PDE4A: variants seen among roughly 807,000 people sequenced by gnomAD.
PDE4A encodes 3',5'-cyclic-AMP phosphodiesterase 4A.
A neutral mutation model predicts 73.9 loss-of-function variants in PDE4A; 21 were observed. The observed-to-expected ratio is 0.28, with a 90% CI of 0.20 to 0.41. PDE4A has a LOEUF of 0.41. Ranked by LOEUF, PDE4A falls within the 10% of genes least tolerant of loss-of-function variation. PDE4A has a pLI of 1.00. For missense variants in PDE4A, 958 were observed against 1,211.4 expected, an observed-to-expected ratio of 0.79 and a Z score of 3.10; for synonymous variants, 463 against 505.4, an observed-to-expected ratio of 0.92 and a Z score of 1.13.
At chr19:10,457,435 G>T (rs1403590996) in intron 7 of PDE4A, among the ~76,000 whole-genome samples, 4 of 79,036 alleles carry the variant, frequency 5.1e-5, no homozygotes, top group Non-Finnish European at 1.1e-4. Flanking sequence ...GGTGGGCGGG[G>T]GGGGGGGGGG....
chr19:10,465,172 G>A (rs1446799372), intron 14 of PDE4A, among the ~76,000 whole-genome samples: 2 of 151,672 alleles, frequency 1.3e-5, no homozygotes, highest in Non-Finnish European at 2.9e-5. Context: ...ATTCTTAGCA[G>A]AATCCCTGGT....
At chr19:10,447,515 G>A (rs746535942) in intron 2 of PDE4A, among the ~76,000 whole-genome samples, 15 of 151,536 alleles carry the variant, frequency 9.9e-5, no homozygotes, top group Non-Finnish European at 1.6e-4. Context: ...GTGAGCCACC[G>A]CGCCCGGCCC....
intron 1 of PDE4A, among the ~76,000 whole-genome samples, chr19:10,444,363 T>C (rs1036642309): frequency 9.9e-5 from 15 of 151,772 alleles, no homozygotes; most frequent in Non-Finnish European, 1.6e-4. Context: ...CCAGGCGTGG[T>C]GGTGCATGCC....
chr19:10,434,471 G>A (rs1471126267), intron 1 of PDE4A, among the ~76,000 whole-genome samples: 1 of 152,006 alleles, frequency 6.6e-6, no homozygotes, highest in Non-Finnish European at 1.5e-5. Flanking sequence ...GCCTCCCAAA[G>A]TGCTGGGATT....
rs1190382397 is a variant in PDE4A, at chr19:10,420,939, C to T, written c.175C>T (p.Arg59Trp). The T allele has an allele frequency of 3.2e-6, 5 of 1,568,280 alleles. No homozygotes were observed. The highest frequency in any genetic ancestry group is 4.3e-6 in the Non-Finnish European group (5 of 1,166,320). The change falls in exon 1 of 15, where the codon CGG (arginine) becomes TGG (tryptophan). Residue 59 changes from arginine to tryptophan, a missense_variant. Physicochemically the swap from Arg to Trp is moderately radical, Grantham distance 101. Coordinates refer to ENST00000380702, the MANE Select transcript of PDE4A (RefSeq NM_001111307.2). The surrounding 1 kb of genome is among the most constrained non-coding windows in gnomAD (Gnocchi z 6.0). Reference sequence around the variant, plus strand: ...CAGCGCGGAGCGCGCCGAGCGGGAGCGGCAGCCGCACCGGCCCATAGAGCG... The same window carrying T: ...CAGCGCGGAGCGCGCCGAGCGGGAGTGGCAGCCGCACCGGCCCATAGAGCG... ...SDSAERAERE[R>W]QPHRPIERAD...
chr19:10,454,502 A>T (rs2043142052), intron 6 of PDE4A, among the ~76,000 whole-genome samples: 1 of 152,064 alleles, frequency 6.6e-6, no homozygotes, highest in Non-Finnish European at 1.5e-5. Flanking sequence ...CTGCTTCCCT[A>T]TTGGCTCCCT....
intron 10 of PDE4A, among the ~76,000 whole-genome samples, chr19:10,460,664 G>C (rs923541351): frequency 1.3e-5 from 2 of 151,928 alleles, no homozygotes; most frequent in African/African-American, 4.8e-5. Context: ...CGGGCGTGGT[G>C]GTGGGAGCCT....
intron 1 of PDE4A, chr19:10,432,289 C>T (rs1382608097): frequency 1.7e-6 from 2 of 1,148,094 alleles, no homozygotes; most frequent in African/African-American, 3.3e-5. Context: ...GCTCGACCGC[C>T]CGGGGCTGTC....
At chr19:10,454,679 AC>A (rs2043144801) in intron 6 of PDE4A, 149 bp from the exon 7 acceptor site, 5 of 1,380,506 alleles carry the variant, frequency 3.6e-6, no homozygotes, top group Non-Finnish European at 4.9e-6. Flanking sequence ...GCTGACCCCA[AC>A]CCCCCAGCAG....
rs1046766832 is a variant in PDE4A, at chr19:10,468,336, T to G, written c.*715T>G. Reference sequence around the variant, plus strand: ...TTCACTTTAGGATACGGGGGTGGTATGGAAGGGAGCGTTCACACCGCCAGC... The same window carrying G: ...TTCACTTTAGGATACGGGGGTGGTAGGGAAGGGAGCGTTCACACCGCCAGC... On this transcript the variant is annotated 3_prime_UTR_variant, in exon 15 of 15. Transcript: ENST00000380702. 1 of 152,482 alleles carries G rather than the reference T, an allele frequency of 6.6e-6. No homozygotes were observed. Among genetic ancestry groups the G allele is most frequent in the African/African-American group, 2.4e-5 (1 of 41,352 alleles). The allele number at this position is 152,482 out of a possible 1,614,324, so 9.4% of individuals were successfully genotyped here.
intron 1 of PDE4A, among the ~76,000 whole-genome samples, chr19:10,428,533 C>T (rs2042747385): frequency 6.6e-6 from 1 of 152,134 alleles, no homozygotes; most frequent in African/African-American, 2.4e-5. Context: ...TAGTGATTTG[C>T]ATATTATAAG....
intron 1 of PDE4A, chr19:10,430,772 C>A (rs1338742829): frequency 6.3e-6 from 3 of 477,796 alleles, no homozygotes; most frequent in South Asian, 8.4e-5. Flanking sequence ...GCTGGGCAGG[C>A]GGCCTGCGTG....
rs1197864127 is a variant in PDE4A at position 10,450,992 on chromosome 19, C to A, written c.783+51C>A. 7 of 1,526,788 alleles carry A rather than the reference C, an allele frequency of 4.6e-6. No individual in the cohort carries two copies. The Admixed American group carries it at 1.4e-4, about 30-fold the overall frequency. 94.6% of individuals were successfully genotyped at this position (1,526,788 alleles called of 1,614,324 possible). ...TGGGCGGGGCAGGCGGGGGCGGGGC[C>A]AGTGGGTAGAGCCAACCGCTGGATG... On this transcript the variant is annotated intron_variant, in intron 6 of 14. Transcript: ENST00000380702.
upstream of PDE4A, chr19:10,416,899 C>T (rs565829533): frequency 6.5e-7 from 1 of 1,535,594 alleles, no homozygotes. Flanking sequence ...CCTGGCCCTG[C>T]CGACATGGCC....
At chr19:10,441,444 A>T (rs1266272266) in intron 1 of PDE4A, among the ~76,000 whole-genome samples, 1 of 148,526 alleles carries the variant, frequency 6.7e-6, no homozygotes, top group African/African-American at 2.5e-5. Flanking sequence ...TTTTTAAGAG[A>T]TGGGGTCTCA....
upstream of PDE4A, chr19:10,419,561 GGGCC>G (rs1225706763): frequency 6.6e-6 from 1 of 152,328 alleles, no homozygotes; most frequent in East Asian, 1.9e-4. Flanking sequence ...ATAGAGCGGT[GGGCC>G]GGCAGCTGCG....
intron 6 of PDE4A, among the ~76,000 whole-genome samples, chr19:10,452,745 G>C (rs1025178377): frequency 3.3e-5 from 5 of 152,076 alleles, no homozygotes; most frequent in Non-Finnish European, 7.4e-5. Flanking sequence ...TTGTACATCT[G>C]TGAGTGTAAA....
rs199784523 is a variant in PDE4A, at chr19:10,463,805, A to G, written c.1756A>G (p.Met586Val). The change falls in exon 14 of 15, where the codon ATG (methionine) becomes GTG (valine). Residue 586 changes from methionine to valine, a missense_variant. Met to Val is a conservative substitution (Grantham distance 21). Coordinates refer to ENST00000380702, the MANE Select transcript of PDE4A (RefSeq NM_001111307.2). The stretch of plus-strand genomic sequence containing the variant: ...CAACCCCATGCAGGTCCTCCGGAAC[A>G]TGGTGCACTGTGCCGACCTCAGCAA... ...YSDRIQVLRN[M>V]VHCADLSNPT... The G allele has an allele frequency of 6.2e-7, 1 of 1,614,152 alleles. No individual in the cohort carries two copies. Among genetic ancestry groups the G allele is most frequent in the Non-Finnish European group, 8.5e-7 (1 of 1,180,012 alleles).
upstream of PDE4A, chr19:10,419,527 G>A (rs1230520128): frequency 3.3e-5 from 5 of 152,304 alleles, no homozygotes; most frequent in Non-Finnish European, 5.9e-5. Context: ...TCTGGCAGAA[G>A]CGCTTTAGAA....
Sources: gnomAD v4.1 joint callset for allele counts (sites outside exome capture counted in the v4.1 genomes callset) on GRCh38, gnomAD v4.1.1 for gene constraint, Gnocchi (gnomAD v3.1) non-coding constraint, MANE v1.5 for transcripts, NCBI Gene and HGNC (gene_info 2026-07-23, HGNC 2026-07-21) for gene names.